Variants in SGCD observed in about 807,000 individuals in gnomAD.
SGCD encodes the protein delta-sarcoglycan.
Under a neutral mutation model 36.6 loss-of-function variants are expected in SGCD, and 18 were observed. That is an observed-to-expected ratio of 0.49 (90% confidence interval 0.34 to 0.73). SGCD has a LOEUF of 0.73. Ranked by LOEUF, SGCD falls within the 30% of genes least tolerant of loss-of-function variation. The probability of loss-of-function intolerance (pLI) is 0.01; values close to 1 mark genes in which losing one functional copy is unlikely to be tolerated. For synonymous variants in SGCD, 133 were observed against 130.6 expected, an observed-to-expected ratio of 1.02 and a Z score of -0.12; for missense variants, 387 against 346.7, an observed-to-expected ratio of 1.12 and a Z score of -0.92.
intron 3 of SGCD, among the ~76,000 whole-genome samples, chr5:156,410,132 G>A (rs931441995): frequency 6.6e-6 from 1 of 152,164 alleles, no homozygotes; most frequent in Non-Finnish European, 1.5e-5. Flanking sequence ...CTAAGACATG[G>A]AATCAACCTA....
At chr5:156,647,561 T>G in intron 7 of SGCD, 25 bp downstream of exon 7, 1 of 1,459,582 alleles carries the variant, frequency 6.9e-7, no homozygotes, top group South Asian at 1.2e-5. Flanking sequence ...TTGGTTTGCA[T>G]TGATTAATGG....
chr5:155,799,246 T>C, the SGCD span, among the ~76,000 whole-genome samples: 10 of 152,298 alleles, frequency 6.6e-5, no homozygotes, highest in African/African-American at 2.4e-4. Context: ...GGAAGCTCAA[T>C]TTTATTTGTT....
At chr5:156,719,602 A>G (rs536204857) in intron 7 of SGCD, among the ~76,000 whole-genome samples, 1 of 152,290 alleles carries the variant, frequency 6.6e-6, no homozygotes, top group South Asian at 2.1e-4. Context: ...TGCAGAGTAC[A>G]TACCTAAATG....
intron 1 of SGCD, among the ~76,000 whole-genome samples, chr5:155,872,381 ACACACT>A (rs780565708): frequency 8.1e-5 from 12 of 148,634 alleles, no homozygotes; most frequent in Non-Finnish European, 1.3e-4. Flanking sequence ...ACACACACAC[ACACACT>A]CTCATGGAAA....
intron 3 of SGCD, among the ~76,000 whole-genome samples, chr5:156,229,297 T>TACACATATATATATATATATATATATAA (rs757678815): frequency 2.5e-5 from 3 of 119,880 alleles, no homozygotes; most frequent in African/African-American, 6.4e-5. Context: ...TATATATATA[T>TACACATATATATATATATATATATATAA]ATAAAATTAG....
At chr5:155,805,259 T>A in the SGCD span, among the ~76,000 whole-genome samples, 29 of 152,252 alleles carry the variant, frequency 1.9e-4, no homozygotes, top group Non-Finnish European at 3.1e-4. Flanking sequence ...TCTATAGATA[T>A]CTGTTATAAG....
At chr5:156,221,799 C>A (rs767803730) in intron 3 of SGCD, among the ~76,000 whole-genome samples, 19 of 151,728 alleles carry the variant, frequency 1.3e-4, no homozygotes, top group Non-Finnish European at 1.9e-4. Context: ...TACTTGTAAC[C>A]CTTATAACAA....
intron 1 of SGCD, among the ~76,000 whole-genome samples, chr5:155,877,505 AT>A (rs1755792105): frequency 6.6e-6 from 1 of 152,108 alleles, no homozygotes; most frequent in Non-Finnish European, 1.5e-5. Context: ...TCCTAACAGT[AT>A]CTGTACTTGG....
intron 3 of SGCD, among the ~76,000 whole-genome samples, chr5:156,491,511 A>G (rs1755935860): frequency 6.6e-6 from 1 of 152,216 alleles, no homozygotes; most frequent in Admixed American, 6.5e-5. Flanking sequence ...GTGTAGTAGA[A>G]TAGAGAATCC....
At chr5:155,962,645 G>A (rs535866991) in intron 1 of SGCD, among the ~76,000 whole-genome samples, 6 of 152,244 alleles carry the variant, frequency 3.9e-5, no homozygotes, top group African/African-American at 1.4e-4. Flanking sequence ...ATCATCCAGA[G>A]AAATTAGGAG....
At chr5:156,048,783 A>C (rs1010909388) in intron 1 of SGCD, among the ~76,000 whole-genome samples, 2 of 151,758 alleles carry the variant, frequency 1.3e-5, no homozygotes, top group Non-Finnish European at 2.9e-5. Context: ...TTGCCTGTTC[A>C]CTCTGATGGT....
At chr5:156,006,580 T>G (rs879402271) in intron 1 of SGCD, among the ~76,000 whole-genome samples, 1 of 152,178 alleles carries the variant, frequency 6.6e-6, no homozygotes, top group Non-Finnish European at 1.5e-5. Context: ...TTTTGTTCAC[T>G]CAACATGAGA....
At chr5:156,587,483 A>G (rs1760541347) in intron 4 of SGCD, among the ~76,000 whole-genome samples, 1 of 152,186 alleles carries the variant, frequency 6.6e-6, no homozygotes, top group Non-Finnish European at 1.5e-5. Context: ...TGCACCTTTC[A>G]TACCAGGAGA....
intron 1 of SGCD, among the ~76,000 whole-genome samples, chr5:155,891,558 C>CTTTTTTTTTTTTTTTTTTT (rs372399423): frequency 0.032 from 1,932 of 60,694 alleles, 438 homozygotes; most frequent in Admixed American, 0.079. Context: ...AATAAATACT[C>CTTTTTTTTTTTTTTTTTTT]TTTTTTTTTT....
At chr5:156,554,885 T>C (rs1473817193) in intron 4 of SGCD, among the ~76,000 whole-genome samples, 2 of 152,098 alleles carry the variant, frequency 1.3e-5, no homozygotes, top group Non-Finnish European at 2.9e-5. Context: ...AGTTTCTCCA[T>C]GTCCTCACCA....
the SGCD span, among the ~76,000 whole-genome samples, chr5:155,738,728 G>A: frequency 6.6e-6 from 1 of 150,672 alleles, no homozygotes; most frequent in Non-Finnish European, 1.5e-5. Flanking sequence ...GAGAGTGTGT[G>A]TGAGAGAGTG....
chr5:156,657,118 AAC>A (rs947447193), intron 7 of SGCD, among the ~76,000 whole-genome samples: 2 of 152,110 alleles, frequency 1.3e-5, no homozygotes, highest in African/African-American at 2.4e-5. Flanking sequence ...AAACTATCAA[AAC>A]AGTCTATTAG....
At chr5:155,782,443 A>G in the SGCD span, among the ~76,000 whole-genome samples, 40,147 of 152,106 alleles carry the variant, frequency 0.26, 5,942 homozygotes, top group Admixed American at 0.46. Flanking sequence ...ACACTTCTAA[A>G]CCTAAATCAC....
At chr5:155,946,178 C>G (rs1031018695) in intron 1 of SGCD, among the ~76,000 whole-genome samples, 4 of 152,076 alleles carry the variant, frequency 2.6e-5, no homozygotes, top group African/African-American at 9.7e-5. Context: ...CTCATGATTC[C>G]TCTTAGAAGC....
Sources: allele counts gnomAD v4.1 joint callset (sites outside exome capture counted in the v4.1 genomes callset), GRCh38; gene constraint gnomAD v4.1.1; transcripts MANE v1.5; gene names NCBI Gene and HGNC (gene_info 2026-07-23, HGNC 2026-07-21).